Variants in PRRC2B observed in about 807,000 individuals in gnomAD.
PRRC2B encodes proline rich coiled-coil 2B.
A neutral mutation model predicts 242.3 loss-of-function variants in PRRC2B; 68 were observed. The observed-to-expected ratio is 0.28, with a 90% CI of 0.23 to 0.34. The LOEUF (loss-of-function observed/expected upper bound fraction) is 0.34, where lower values mean the gene tolerates loss of function less well. PRRC2B is among the 10% of genes least tolerant of loss of function. PRRC2B has a pLI of 1.00. For missense variants in PRRC2B, 2,835 were observed against 2,954.8 expected, an observed-to-expected ratio of 0.96 and a Z score of 0.94; for synonymous variants, 1,228 against 1,173.6, an observed-to-expected ratio of 1.05 and a Z score of -0.95.
chr9:131,420,072 A>G (rs530391089), intron 1 of PRRC2B, among the ~76,000 whole-genome samples: 2 of 152,128 alleles, frequency 1.3e-5, no homozygotes, highest in East Asian at 1.9e-4. Flanking sequence ...ATACGCCTCA[A>G]TGCTTCTTTG....
intron 1 of PRRC2B, among the ~76,000 whole-genome samples, chr9:131,395,592 A>C (rs563451729): frequency 1.5e-4 from 23 of 152,336 alleles, no homozygotes; most frequent in African/African-American, 4.1e-4. Context: ...GGCCTGGCAC[A>C]GTTAGTGGTT....
intron 13 of PRRC2B, 96 bp from the exon 14 acceptor site, chr9:131,470,692 G>A (rs949916472): frequency 1.1e-5 from 11 of 1,007,752 alleles, no homozygotes; most frequent in South Asian, 3.0e-5. Context: ...TGGGCTTTCT[G>A]TGCTGCCAGC....
intron 25 of PRRC2B, chr9:131,485,851 C>T: frequency 4.1e-6 from 3 of 734,002 alleles, no homozygotes; most frequent in Non-Finnish European, 5.0e-6. Flanking sequence ...TGCCTCCTCC[C>T]TCCTCCTAGG....
intron 10 of PRRC2B, among the ~76,000 whole-genome samples, chr9:131,457,101 G>C (rs752454154): frequency 5.3e-5 from 8 of 152,168 alleles, no homozygotes; most frequent in Non-Finnish European, 1.2e-4. Flanking sequence ...CCTAAAGTAA[G>C]TGCCCATCTT....
rs186048534 is a variant in PRRC2B at position 131,420,184 on chromosome 9, C to T, written c.-51-9910C>T. ...TGGCTCATGTCTCCCATAAGGAACA[C>T]TGGGTTACCAGGAACCCCACTTTCC... is the stretch of plus-strand genomic sequence containing the variant. On this transcript the variant is annotated intron_variant, in intron 1 of 31. Coordinates refer to ENST00000683519, the MANE Select transcript of PRRC2B (RefSeq NM_013318.4). Among the ~76,000 whole-genome samples, 28 of 152,264 alleles carry T rather than the reference C, an allele frequency of 1.8e-4. 1 individual carries two copies. The East Asian group carries it at 4.6e-3, about 25-fold the overall frequency.
chr9:131,491,405 CTG>C lies in PRRC2B; in HGVS notation c.6226-18_6226-17del. On this transcript the variant is annotated intron_variant, in intron 28 of 31. Coordinates refer to ENST00000683519, the MANE Select transcript of PRRC2B (RefSeq NM_013318.4). ...TCCATAGCATCATTCCCCCTCCTGACTGTCATTGTCGCCCAGCAGCTGACCAT... is the reference window on the plus strand; with the variant it reads ...TCCATAGCATCATTCCCCCTCCTGACTCATTGTCGCCCAGCAGCTGACCAT... 2 of 1,575,702 alleles carry C rather than the reference CTG, an allele frequency of 1.3e-6. No homozygotes were observed. The highest frequency in any genetic ancestry group is 1.7e-6 in the Non-Finnish European group (2 of 1,160,740).
At chr9:131,476,903 T>C (rs1291821693) in intron 16 of PRRC2B, among the ~76,000 whole-genome samples, 15 of 152,194 alleles carry the variant, frequency 9.9e-5, no homozygotes, top group Admixed American at 9.8e-4. Context: ...CCGGAGTTGC[T>C]GCCAGGCGGC....
Position 131,467,090 on chromosome 9 carries a change from C to T in PRRC2B, c.1721-473C>T, listed in dbSNP as rs561698391. On this transcript the variant is annotated intron_variant, in intron 12 of 31. Transcript: ENST00000683519. ...TGCTGGGATTACAGGTGTGAGCCAC[C>T]GCGCCTGTCATTTTTTGTACTTTCA... 9.6e-5 allele frequency among the ~76,000 whole-genome samples: 13 copies of T among 134,876 alleles called. No homozygotes were observed. The South Asian group carries it at 2.3e-3, about 24-fold the overall frequency. 88.5% of individuals were successfully genotyped at this position (134,876 alleles called of 152,430 possible).
chr9:131,380,467 T>C (rs1055244945), intron 1 of PRRC2B, among the ~76,000 whole-genome samples: 5 of 150,242 alleles, frequency 3.3e-5, no homozygotes, highest in Admixed American at 2.0e-4. Flanking sequence ...TAATCCCAGC[T>C]ACTTGGGAGG....
rs765650979 is a variant in PRRC2B, at chr9:131,478,556, C to G, written c.4695C>G (p.Val1565=). 6.2e-7 allele frequency: 1 copy of G among 1,612,766 alleles called. No homozygotes were observed. The highest frequency in any genetic ancestry group is 8.5e-7 in the Non-Finnish European group (1 of 1,179,418). ...GSMVGEGFIE[V]LTKKQRRLLE... is the part of the protein sequence containing the mutation. ...TGGTGGGCGAAGGCTTCATCGAAGT[C>G]CTGACCAAGAAGCAGCGCCGCCTGC... The change falls in exon 18 of 32, where the codon GTC becomes GTG. Residue 1565 remains valine (V), a synonymous_variant. Coordinates refer to ENST00000683519, the MANE Select transcript of PRRC2B (RefSeq NM_013318.4).
rs1838849588 is a variant in PRRC2B, at chr9:131,447,724, C to T, written c.1040C>T (p.Ala347Val). 6.2e-7 allele frequency: 1 copy of T among 1,613,550 alleles called. No individual in the cohort carries two copies. Residue 347 changes from alanine to valine, a missense_variant, in exon 9 of 32, where the codon GCA (alanine) becomes GTA (valine). Ala to Val is a moderately conservative substitution (Grantham distance 64). Transcript: ENST00000683519. The stretch of plus-strand genomic sequence containing the variant: ...CCACTAAGGCAGCTGGTGGAGCGGG[C>T]ACCACGGCCCACCATTATCAATGCG... ...LRPLRQLVER[A>V]PRPTIINAEN...
At position 131,475,665 on chromosome 9, in the gene PRRC2B, G is replaced by A. The variant is rs932411062; in HGVS notation, c.3536G>A (p.Arg1179Gln). ...LKKGDCRDSW[R>Q]SNKGCSEDHS... ...AAGGGCGACTGCAGAGATTCTTGGC[G>A]GTCCAACAAGGGGTGCTCTGAGGAC... The change falls in exon 16 of 32, where the codon CGG becomes CAG. Residue 1179 changes from arginine to glutamine, a missense_variant. By Grantham distance (43) the Arg-to-Gln change is conservative (BLOSUM62 1). Around this residue, in one of 7 missense-constraint regions of PRRC2B, gnomAD observed 1,536 missense variants for 1,483.1 expected, o/e 1.04. Coordinates refer to ENST00000683519, the MANE Select transcript of PRRC2B (RefSeq NM_013318.4). 21 of 1,611,006 alleles carry A rather than the reference G, an allele frequency of 1.3e-5. No individual in the cohort carries two copies. Among genetic ancestry groups the A allele is most frequent in the Non-Finnish European group, 1.6e-5 (19 of 1,178,538 alleles).
In PRRC2B at chr9:131,441,639, C is replaced by G. The variant is rs563780102; in HGVS notation, c.470-2546C>G. ...GTGTAAAAGTCAGTTTCAGTTCCCC[C>G]TCTCGTGCTAGAGTCATGCATCTGT... On this transcript the variant is annotated intron_variant, in intron 5 of 31. Transcript: ENST00000683519. 2.0e-3 allele frequency among the ~76,000 whole-genome samples: 312 copies of G among 152,352 alleles called. 2 individuals carry two copies. Among genetic ancestry groups the G allele is most frequent in the African/African-American group, 7.1e-3 (297 of 41,580 alleles).
At chr9:131,428,496 A>G (rs969291453) in intron 1 of PRRC2B, among the ~76,000 whole-genome samples, 2 of 152,180 alleles carry the variant, frequency 1.3e-5, no homozygotes, top group African/African-American at 4.8e-5. Flanking sequence ...TCCCGGCTTC[A>G]AGCAATTCTC....
chr9:131,435,632 A>G (rs1282857671), intron 3 of PRRC2B, among the ~76,000 whole-genome samples: 2 of 151,506 alleles, frequency 1.3e-5, no homozygotes, highest in Non-Finnish European at 2.9e-5. Context: ...AAAAAAAAAA[A>G]AAAAAAGCCA....
rs770260303 is a variant in PRRC2B, at chr9:131,475,043, C to T, written c.2914C>T (p.Arg972Trp). The T allele has an allele frequency of 1.1e-5, 17 of 1,607,802 alleles. No homozygotes were observed. The highest frequency in any genetic ancestry group is 5.3e-5 in the African/African-American group (4 of 74,794). The change falls in exon 16 of 32, where the codon CGG becomes TGG. Residue 972 changes from arginine to tryptophan, a missense_variant. Physicochemically the swap from Arg to Trp is moderately radical, Grantham distance 101. Transcript: ENST00000683519. ...GCAGGAGCTAGGGGAGGAGAGTACC[C>T]GGCTGGCCAAGGAGAAGGAGCAGAG... is the stretch of plus-strand genomic sequence containing the variant. The part of the protein sequence containing the change: ...IKQELGEEST[R>W]LAKEKEQSPT...
intron 22 of PRRC2B, 99 bp downstream of exon 22, chr9:131,483,006 A>G: frequency 2.9e-6 from 4 of 1,383,488 alleles, no homozygotes; most frequent in Non-Finnish European, 4.0e-6. Flanking sequence ...TAGAAGGAAT[A>G]GAAGGATGGG....
intron 30 of PRRC2B, among the ~76,000 whole-genome samples, chr9:131,493,389 C>A (rs1055888579): frequency 6.6e-6 from 1 of 152,198 alleles, no homozygotes; most frequent in African/African-American, 2.4e-5. Context: ...GACCATGGAG[C>A]GGAACTGGAA....
chr9:131,459,100 C>A, intron 10 of PRRC2B, 64 bp from the exon 11 acceptor site: 2 of 1,456,794 alleles, frequency 1.4e-6, no homozygotes, highest in Non-Finnish European at 1.9e-6. Context: ...AGGCCTCTGA[C>A]CAGTGAGATC....
Sources: gnomAD v4.1 joint callset for allele counts (sites outside exome capture counted in the v4.1 genomes callset) on GRCh38, gnomAD v4.1.1 for gene constraint, gnomAD v4.1.1 regional missense constraint, MANE v1.5 for transcripts, NCBI Gene and HGNC (gene_info 2026-07-23, HGNC 2026-07-21) for gene names.